Variants in ANO1 observed in about 807,000 individuals in gnomAD.
The protein encoded by ANO1 is anoctamin-1.
ANO1 carries 59 observed loss-of-function variants against 124.0 expected under a neutral mutation model. The ratio of observed to expected loss-of-function variants is 0.48; its 90% CI spans 0.39 to 0.59. The LOEUF (loss-of-function observed/expected upper bound fraction) is 0.59, where lower values mean the gene tolerates loss of function less well. ANO1 is among the 20% of genes least tolerant of loss of function. The probability of loss-of-function intolerance (pLI) is 0.00; values close to 1 mark genes in which losing one functional copy is unlikely to be tolerated. For missense variants in ANO1, 1,059 were observed against 1,328.0 expected (o/e 0.80, Z 3.15); for synonymous variants, 529 against 532.0 (o/e 0.99, Z 0.08).
chr11:69,988,940 G>A (rs536634565), intron 1 of ANO1, among the ~76,000 whole-genome samples: 1 of 146,802 alleles, frequency 6.8e-6, no homozygotes, highest in East Asian at 1.9e-4. Flanking sequence ...GAGGAAGGAA[G>A]GAAAGAAGGA....
chr11:70,033,286 GTGGGAC>G (rs1555004018), intron 1 of ANO1, among the ~76,000 whole-genome samples: 2 of 152,150 alleles, frequency 1.3e-5, no homozygotes, highest in African/African-American at 2.4e-5. Context: ...GAAGGCGCAG[GTGGGAC>G]TGGACCCAGC....
At chr11:70,039,613 C>G (rs1857150770) in intron 1 of ANO1, among the ~76,000 whole-genome samples, 1 of 151,782 alleles carries the variant, frequency 6.6e-6, no homozygotes, top group Non-Finnish European at 1.5e-5. Flanking sequence ...GGTAGTCCTA[C>G]CTCCCCTTCT....
intron 1 of ANO1, among the ~76,000 whole-genome samples, chr11:70,010,594 A>C (rs1856584542): frequency 6.6e-6 from 1 of 152,110 alleles, no homozygotes; most frequent in South Asian, 2.1e-4. Flanking sequence ...TCAGTGGTAT[A>C]CAGGAAGCTG....
At chr11:70,129,523 A>G (rs1565230474) in intron 10 of ANO1, 1 of 152,102 alleles carries the variant, frequency 6.6e-6, no homozygotes, top group African/African-American at 2.4e-5. Flanking sequence ...TCCCATGCAC[A>G]CACACACACT....
intron 23 of ANO1, 66 bp from the exon 24 acceptor site, chr11:70,182,436 C>A (rs1212130990): frequency 2.9e-6 from 4 of 1,363,704 alleles, no homozygotes; most frequent in Non-Finnish European, 3.9e-6. Context: ...TGGGTCACCC[C>A]CTGTTGCGGC....
intron 1 of ANO1, among the ~76,000 whole-genome samples, chr11:70,004,688 G>A (rs781960949): frequency 6.6e-6 from 1 of 152,218 alleles, no homozygotes; most frequent in Non-Finnish European, 1.5e-5. Flanking sequence ...CTTTTGTGTG[G>A]CTGCCCTGCT....
At chr11:70,126,605 T>C (rs1271629133) in intron 10 of ANO1, among the ~76,000 whole-genome samples, 22 of 152,000 alleles carry the variant, frequency 1.4e-4, no homozygotes, top group Admixed American at 1.2e-3. Flanking sequence ...AGGTGAGACA[T>C]GGATGCCAGA....
At chr11:70,026,030 G>C (rs951104297) in intron 1 of ANO1, among the ~76,000 whole-genome samples, 2 of 149,688 alleles carry the variant, frequency 1.3e-5, no homozygotes, top group African/African-American at 5.0e-5. Flanking sequence ...TGATGGTGAT[G>C]ATGATGGTGA....
chr11:69,973,347 T>A, the ANO1 span, among the ~76,000 whole-genome samples: 1 of 152,236 alleles, frequency 6.6e-6, no homozygotes, highest in East Asian at 1.9e-4. Flanking sequence ...TTTCAAAAAA[T>A]CACTGTATCC....
chr11:70,019,858 G>T (rs943527565), intron 1 of ANO1, among the ~76,000 whole-genome samples: 1 of 152,198 alleles, frequency 6.6e-6, no homozygotes, highest in South Asian at 2.1e-4. Context: ...CCAGTCCCAC[G>T]CACGTCTTCA....
Position 70,149,767 on chromosome 11 carries a change from A to T in ANO1, c.1316A>T (p.Asp439Val). The part of the protein sequence containing the change: ...RKQMRLNYRW[D>V]LTGFEEEEEA... ...CAGATGCGACTCAACTACCGCTGGG[A>T]CCTCACGGGCTTTGAAGAGGAAGAG... is the stretch of plus-strand genomic sequence containing the variant. Residue 439 changes from aspartate to valine, a missense_variant, in exon 12 of 26, where the codon GAC becomes GTC. Physicochemically the swap from Asp to Val is radical, Grantham distance 152. This residue lies in a region of ANO1 where 809 missense variants were observed against 1,094.9 expected (regional missense o/e 0.74). Coordinates refer to ENST00000355303, the MANE Select transcript of ANO1 (RefSeq NM_018043.7). 2 of 1,613,668 alleles carry T rather than the reference A, an allele frequency of 1.2e-6. No individual in the cohort carries two copies. The highest frequency in any genetic ancestry group is 1.7e-6 in the Non-Finnish European group (2 of 1,179,822).
chr11:70,031,092 G>C (rs1451493180), intron 1 of ANO1, among the ~76,000 whole-genome samples: 1 of 152,078 alleles, frequency 6.6e-6, no homozygotes, highest in Non-Finnish European at 1.5e-5. Context: ...TTACAGGCAT[G>C]TGCCACCATA....
At position 70,038,590 on chromosome 11, in the gene ANO1, T is replaced by A. The variant is rs185514810; in HGVS notation, c.59-39952T>A. Among the ~76,000 whole-genome samples the A allele has an allele frequency of 3.3e-5, 5 of 152,148 alleles. No homozygotes were observed. The East Asian group carries it at 9.7e-4, about 29-fold the overall frequency. On this transcript the variant is annotated intron_variant, in intron 1 of 27. Coordinates refer to the ANO1 transcript ENST00000531349. ...ACAATTTGGTGGGCCATACAGGGAC[T>A]CTGTTTCCCCTCTGGGACAGTCCTT...
chr11:69,969,849 A>T, the ANO1 span, among the ~76,000 whole-genome samples: 1 of 152,204 alleles, frequency 6.6e-6, no homozygotes, highest in Non-Finnish European at 1.5e-5. Flanking sequence ...TAGGAGGCTG[A>T]GGCAGGAGAA....
At chr11:70,134,761 C>T (rs776645746) in intron 11 of ANO1, among the ~76,000 whole-genome samples, 16 of 152,282 alleles carry the variant, frequency 1.1e-4, no homozygotes, top group Non-Finnish European at 2.1e-4. Context: ...CACACTGTGC[C>T]GGGCCCCAGG....
At chr11:70,004,861 C>A (rs1472821717) in intron 1 of ANO1, among the ~76,000 whole-genome samples, 1 of 152,068 alleles carries the variant, frequency 6.6e-6, no homozygotes, top group Non-Finnish European at 1.5e-5. Context: ...ACCTGTAATC[C>A]CAACACTTTG....
the ANO1 span, among the ~76,000 whole-genome samples, chr11:69,973,346 A>G: frequency 9.3e-4 from 141 of 152,318 alleles, 1 homozygote; most frequent in Non-Finnish European, 1.6e-3. Flanking sequence ...TTTTCAAAAA[A>G]TCACTGTATC....
chr11:70,134,740 A>G, intron 11 of ANO1, among the ~76,000 whole-genome samples: 1 of 152,150 alleles, frequency 6.6e-6, no homozygotes, highest in East Asian at 1.9e-4. Context: ...TACTGAGCAC[A>G]ATGTGTATCC....
At chr11:70,036,391 C>T (rs375146063) in intron 1 of ANO1, among the ~76,000 whole-genome samples, 1 of 152,138 alleles carries the variant, frequency 6.6e-6, no homozygotes, top group Non-Finnish European at 1.5e-5. Flanking sequence ...TTCCTAATTA[C>T]TCTATAAAAC....
Sources: gnomAD v4.1 joint callset for allele counts (sites outside exome capture counted in the v4.1 genomes callset) on GRCh38, gnomAD v4.1.1 for gene constraint, gnomAD v4.1.1 regional missense constraint, MANE v1.5 for transcripts, NCBI Gene and HGNC (gene_info 2026-07-23, HGNC 2026-07-21) for gene names.